The following TRPM6 variants were observed in gnomAD, a reference collection of about 807,000 sequenced individuals.
TRPM6 encodes channel kinase 2.
In TRPM6, 111 loss-of-function variants were observed where a neutral mutation model predicts 247.6. The observed-to-expected ratio is 0.45, with a 90% CI of 0.38 to 0.52. The LOEUF (loss-of-function observed/expected upper bound fraction) is 0.52. Among genes scored for constraint, TRPM6 ranks in the 20% least tolerant of loss-of-function variants. TRPM6 has a pLI of 0.00. For synonymous variants in TRPM6, 892 were observed against 853.8 expected (o/e 1.04, Z -0.78); for missense variants, 2,126 against 2,421.5 (o/e 0.88, Z 2.56).
intron 1 of TRPM6, among the ~76,000 whole-genome samples, chr9:74,882,777 A>G (rs1298154516): frequency 6.6e-6 from 1 of 152,220 alleles, no homozygotes; most frequent in Admixed American, 6.5e-5. Flanking sequence ...TCCAGCTGAA[A>G]GCAGATTCAA....
chr9:74,803,347 AT>A (rs1331519406), intron 15 of TRPM6, among the ~76,000 whole-genome samples: 1 of 152,052 alleles, frequency 6.6e-6, no homozygotes, highest in Non-Finnish European at 1.5e-5. Context: ...GTAATATTAG[AT>A]TCATAATAAT....
At chr9:74,845,053 T>C (rs1277744330) in intron 3 of TRPM6, among the ~76,000 whole-genome samples, 2 of 152,190 alleles carry the variant, frequency 1.3e-5, no homozygotes, top group Non-Finnish European at 2.9e-5. Context: ...GTGCAGTTCA[T>C]GACACTCCAA....
rs1336242514 is a variant in TRPM6 at position 74,805,861 on chromosome 9, C to T, written c.1639-1975G>A. Among the ~76,000 whole-genome samples, 6 of 152,062 alleles carry T rather than the reference C, an allele frequency of 3.9e-5. No homozygotes were observed. The East Asian group carries it at 1.2e-3, about 29-fold the overall frequency. ...TACAGAAAACACAAAGAGTCAAATG[C>T]AAGCAAGCAGTAGTTAGACCAGTTC... On this transcript the variant is annotated intron_variant, in intron 14 of 38. Coordinates refer to ENST00000360774, the MANE Select transcript of TRPM6 (RefSeq NM_017662.5).
intron 33 of TRPM6, among the ~76,000 whole-genome samples, chr9:74,741,155 T>C (rs60197549): frequency 0.056 from 8,572 of 152,236 alleles, 334 homozygotes; most frequent in East Asian, 0.17. Flanking sequence ...ACTACTTAAC[T>C]GCTACATAGC....
chr9:74,728,211 A>C, intron 38 of TRPM6, 28 bp downstream of exon 38: 1 of 1,489,432 alleles, frequency 6.7e-7, no homozygotes, highest in South Asian at 1.1e-5. Flanking sequence ...AGATTTACTT[A>C]GAGAAAAAAG....
chr9:74,802,552 G>C (rs1828383314), intron 15 of TRPM6, among the ~76,000 whole-genome samples: 1 of 152,198 alleles, frequency 6.6e-6, no homozygotes, highest in South Asian at 2.1e-4. Context: ...GCAGTACGAT[G>C]AGTGCTGAAA....
chr9:74,760,275 T>C (rs1349074293), intron 27 of TRPM6, among the ~76,000 whole-genome samples: 1 of 152,218 alleles, frequency 6.6e-6, no homozygotes, highest in East Asian at 1.9e-4. Context: ...GGTGTACCAA[T>C]TTTTATCTTT....
chr9:74,848,369 G>C (rs984884715), intron 3 of TRPM6, among the ~76,000 whole-genome samples: 1 of 152,140 alleles, frequency 6.6e-6, no homozygotes, highest in African/African-American at 2.4e-5. Flanking sequence ...GCCACTAACG[G>C]GTGGGGAGCG....
intron 1 of TRPM6, among the ~76,000 whole-genome samples, chr9:74,862,853 C>T (rs1468714685): frequency 6.6e-6 from 1 of 151,508 alleles, no homozygotes; most frequent in African/African-American, 2.4e-5. Flanking sequence ...TGGTGTCGGG[C>T]GCCTATAGTC....
At chr9:74,849,078 G>T (rs764783354) in intron 3 of TRPM6, among the ~76,000 whole-genome samples, 1 of 152,128 alleles carries the variant, frequency 6.6e-6, no homozygotes, top group Non-Finnish European at 1.5e-5. Flanking sequence ...AGCAGGGCAC[G>T]GTGTCTCACG....
intron 31 of TRPM6, among the ~76,000 whole-genome samples, chr9:74,747,567 A>G (rs1022284397): frequency 6.6e-6 from 1 of 152,222 alleles, no homozygotes; most frequent in African/African-American, 2.4e-5. Flanking sequence ...AATGGCTCTT[A>G]ATGAGTAATG....
In TRPM6 at chr9:74,790,031, T is replaced by G. The variant is rs1235542268; in HGVS notation, c.2539-1289A>C. Among the ~76,000 whole-genome samples, 51 of 148,660 alleles carry G rather than the reference T, an allele frequency of 3.4e-4. 1 individual carries two copies. Among genetic ancestry groups the G allele is most frequent in the South Asian group, 2.6e-3 (12 of 4,626 alleles). Reference sequence around the variant, plus strand: ...ATGTGTGTGTGTGTGTGTGTGTGTGTGTGTGGGTTCATTCTCACAAGTCAT... The same window carrying G: ...ATGTGTGTGTGTGTGTGTGTGTGTGGGTGTGGGTTCATTCTCACAAGTCAT... On this transcript the variant is annotated intron_variant, in intron 19 of 38. Transcript: ENST00000360774.
intron 1 of TRPM6, among the ~76,000 whole-genome samples, chr9:74,860,986 GCA>G (rs1830676639): frequency 1.3e-5 from 2 of 151,994 alleles, no homozygotes; most frequent in South Asian, 4.1e-4. Context: ...TTGTGCCACT[GCA>G]CTCTAGCCTG....
At chr9:74,805,006 A>C (rs1828483894) in intron 14 of TRPM6, among the ~76,000 whole-genome samples, 2 of 152,226 alleles carry the variant, frequency 1.3e-5, no homozygotes, top group African/African-American at 2.4e-5. Context: ...GACTAATTAA[A>C]ATTAGTTTAA....
intron 4 of TRPM6, among the ~76,000 whole-genome samples, chr9:74,840,850 GAAAGAAAAAA>G: frequency 7.1e-6 from 1 of 141,454 alleles, no homozygotes; most frequent in East Asian, 2.1e-4. Context: ...AAAAAAGAAA[GAAAGAAAAAA>G]AAAGAAAAGA....
chr9:74,842,063 A>G (rs1829955482), intron 4 of TRPM6, 103 bp downstream of exon 4: 1 of 1,311,680 alleles, frequency 7.6e-7, no homozygotes, highest in Non-Finnish European at 1.1e-6. Flanking sequence ...GTGCGCCGAG[A>G]TCGTGCCATT....
At chr9:74,766,020 T>C (rs1024621836) in intron 25 of TRPM6, among the ~76,000 whole-genome samples, 1 of 152,202 alleles carries the variant, frequency 6.6e-6, no homozygotes, top group Non-Finnish European at 1.5e-5. Context: ...ATGTATACTC[T>C]CTTCCAAATA....
In TRPM6 at chr9:74,738,592, A is replaced by G; in HGVS notation, c.5591T>C (p.Ile1864Thr). ...CCACTGGTTGGCTGAATGGCAGTAGATTAAGAAAACTTCCAGGAACCTGTT... is the reference window on the plus strand; with the variant it reads ...CCACTGGTTGGCTGAATGGCAGTAGGTTAAGAAAACTTCCAGGAACCTGTT... ...YTPRFLEVFLIYCHSANQWLT... is the reference protein window; with the variant it reads ...YTPRFLEVFLTYCHSANQWLT... Residue 1864 changes from isoleucine (I) to threonine (T), a missense_variant, in exon 36 of 39, where the codon ATC becomes ACC. Around this residue, in one of 3 missense-constraint regions of TRPM6, gnomAD observed 327 missense variants for 397.7 expected, o/e 0.82. Transcript: ENST00000360774. 1 of 1,614,072 alleles carries G rather than the reference A, an allele frequency of 6.2e-7. No individual in the cohort carries two copies. The highest frequency in any genetic ancestry group is 1.1e-5 in the South Asian group (1 of 91,084).
At position 74,788,546 on chromosome 9, in the gene TRPM6, G is replaced by A. The variant is rs201173709; in HGVS notation, c.2667+68C>T. Reference sequence around the variant, plus strand: ...CCATTTTCATCACCAGAGCCAAGGAGTCTTTCAGTGGACACCTACAGAAGC... The same window carrying A: ...CCATTTTCATCACCAGAGCCAAGGAATCTTTCAGTGGACACCTACAGAAGC... On this transcript the variant is annotated intron_variant, in intron 20 of 38. Transcript: ENST00000360774. 308 of 1,588,378 alleles carry A rather than the reference G, an allele frequency of 1.9e-4. No homozygotes were observed. In the South Asian group the frequency reaches 2.6e-3, roughly 13 times the overall value.
Sources: allele counts gnomAD v4.1 joint callset (sites outside exome capture counted in the v4.1 genomes callset), GRCh38; gene constraint gnomAD v4.1.1; regional missense constraint gnomAD v4.1.1; transcripts MANE v1.5; gene names NCBI Gene and HGNC (gene_info 2026-07-23, HGNC 2026-07-21).